Variants in OBP2B observed in about 807,000 individuals in gnomAD.
The protein encoded by OBP2B is odorant binding protein 2B.
In OBP2B, 10 loss-of-function variants were observed where a neutral mutation model predicts 21.7. That is an observed-to-expected ratio of 0.46 (90% CI 0.28 to 0.78). The LOEUF (loss-of-function observed/expected upper bound fraction) is 0.78. OBP2B is among the 30% of genes least tolerant of loss of function. The probability of loss-of-function intolerance (pLI) is 0.11; values close to 1 mark genes in which losing one functional copy is unlikely to be tolerated. For missense variants in OBP2B, 153 were observed against 217.7 expected, an observed-to-expected ratio of 0.70 and a Z score of 1.87; for synonymous variants, 73 against 91.5, an observed-to-expected ratio of 0.80 and a Z score of 1.16.
chr9:133,223,127 T>G, the OBP2B span, among the ~76,000 whole-genome samples: 6 of 152,182 alleles, frequency 3.9e-5, no homozygotes, highest in Non-Finnish European at 8.8e-5. This position sits in a 1 kb window ranked among gnomAD's most constrained non-coding sequence, Gnocchi z 4.4. Context: ...AGCTCTCAGA[T>G]GGCTTCCAGG....
Position 133,206,390 on chromosome 9 carries a change from C to T in OBP2B, c.415G>A (p.Ala139Thr). 1 of 1,614,028 alleles carries T rather than the reference C, an allele frequency of 6.2e-7. No homozygotes were observed. Among genetic ancestry groups the T allele is most frequent in the East Asian group, 2.2e-5 (1 of 44,854 alleles). ...VGRNSDTNRE[A>T]LEEFKKLVQR... ...ACCAATTTCTTAAATTCTTCCAGGG[C>T]CTCCCGGTTGGTATCAGAATTCCTA... Residue 139 changes from alanine (A) to threonine (T), a missense_variant, in exon 5 of 7, where the codon GCC (alanine) becomes ACC (threonine). Ala to Thr is a moderately conservative substitution (Grantham distance 58). Transcript: ENST00000372034.
At chr9:133,205,576 G>C (rs1235491461) in intron 6 of OBP2B, 165 bp from the exon 7 acceptor site, 3 of 615,238 alleles carry the variant, frequency 4.9e-6, no homozygotes, top group Middle Eastern at 8.8e-4. Flanking sequence ...AGGCCTCTGA[G>C]CATCCTTGGT....
intron 3 of OBP2B, among the ~76,000 whole-genome samples, chr9:133,207,604 C>G (rs550642690): frequency 7.9e-5 from 12 of 152,146 alleles, no homozygotes; most frequent in Non-Finnish European, 1.3e-4. Flanking sequence ...CCCCACTTCC[C>G]TGTCCCTAAC....
chr9:133,211,120 C>T (rs1391032051), upstream of OBP2B, among the ~76,000 whole-genome samples: 6 of 152,186 alleles, frequency 3.9e-5, no homozygotes, highest in Admixed American at 3.9e-4. Context: ...CTTTACTCGA[C>T]ACCTGGGCAT....
the OBP2B span, among the ~76,000 whole-genome samples, chr9:133,221,993 TGAG>T: frequency 1.3e-5 from 2 of 152,038 alleles, no homozygotes; most frequent in African/African-American, 2.4e-5. Context: ...CTCCTTTGCG[TGAG>T]GAGATGAGAC....
At chr9:133,219,184 T>C in the OBP2B span, among the ~76,000 whole-genome samples, 1 of 152,224 alleles carries the variant, frequency 6.6e-6, no homozygotes, top group Non-Finnish European at 1.5e-5. Context: ...TAAGAAGATG[T>C]GTAAATCTCT....
At chr9:133,210,587 G>A (rs1195427338), upstream of OBP2B, among the ~76,000 whole-genome samples, 4 of 151,902 alleles carry the variant, frequency 2.6e-5, no homozygotes, top group Non-Finnish European at 5.9e-5. Context: ...CAGGCACCTC[G>A]TATTTCATTG....
At chr9:133,222,102 C>G in the OBP2B span, among the ~76,000 whole-genome samples, 1 of 151,816 alleles carries the variant, frequency 6.6e-6, no homozygotes, top group African/African-American at 2.4e-5. Flanking sequence ...TGGACCCAAG[C>G]TGAGTGTGTC....
At chr9:133,210,725 C>T (rs1833900259), upstream of OBP2B, among the ~76,000 whole-genome samples, 1 of 152,230 alleles carries the variant, frequency 6.6e-6, no homozygotes, top group Admixed American at 6.5e-5. Context: ...GGTCCACGCT[C>T]AGTGCGACGG....
intron 5 of OBP2B, 46 bp from the exon 6 acceptor site, chr9:133,205,986 C>A: frequency 6.2e-7 from 1 of 1,613,766 alleles, no homozygotes. Flanking sequence ...CGCCCTAGAC[C>A]AGGGCCCAGA....
chr9:133,208,697 G>T (rs1162227970), intron 1 of OBP2B, 95 bp from the exon 2 acceptor site: 9 of 1,525,768 alleles, frequency 5.9e-6, no homozygotes, highest in African/African-American at 1.4e-5. Flanking sequence ...GACACCCATG[G>T]TGCCCGGCTG....
chr9:133,218,287 G>A, the OBP2B span, among the ~76,000 whole-genome samples: 25 of 152,246 alleles, frequency 1.6e-4, no homozygotes, highest in African/African-American at 3.1e-4. Context: ...CAGGGAGACC[G>A]GCCACACATG....
At chr9:133,206,223 G>GGGACATGGGA (rs1175919582) in intron 5 of OBP2B, 92 bp downstream of exon 5, 2 of 1,395,666 alleles carry the variant, frequency 1.4e-6, no homozygotes, top group Non-Finnish European at 2.0e-6. Flanking sequence ...GGGAATGCGG[G>GGGACATGGGA]GGACATGGGA....
At chr9:133,222,368 G>T in the OBP2B span, among the ~76,000 whole-genome samples, 1 of 152,214 alleles carries the variant, frequency 6.6e-6, no homozygotes, top group African/African-American at 2.4e-5. Flanking sequence ...TTGCTAAAAA[G>T]GGCTTACACC....
intron 2 of OBP2B, 106 bp from the exon 3 acceptor site, chr9:133,208,309 C>T: frequency 1.3e-6 from 2 of 1,597,592 alleles, no homozygotes; most frequent in South Asian, 1.1e-5. Context: ...ATTCCACTGC[C>T]CCCCACCCCA....
At chr9:133,217,323 G>A in the OBP2B span, among the ~76,000 whole-genome samples, 1 of 152,156 alleles carries the variant, frequency 6.6e-6, no homozygotes, top group Non-Finnish European at 1.5e-5. Context: ...CTTGCCTCCA[G>A]CTCCACACGT....
chr9:133,220,708 T>C, the OBP2B span, among the ~76,000 whole-genome samples: 327 of 152,298 alleles, frequency 2.1e-3, 1 homozygote, highest in African/African-American at 7.5e-3. Context: ...TCCCTGGCCC[T>C]GTGGATGTGT....
the OBP2B span, among the ~76,000 whole-genome samples, chr9:133,216,620 C>T: frequency 6.6e-6 from 1 of 152,152 alleles, no homozygotes; most frequent in Admixed American, 6.5e-5. Flanking sequence ...CACAGACATC[C>T]TCCAACAGGT....
At chr9:133,211,941 T>A (rs1833920928), upstream of OBP2B, among the ~76,000 whole-genome samples, 1 of 152,244 alleles carries the variant, frequency 6.6e-6, no homozygotes, top group Non-Finnish European at 1.5e-5. Flanking sequence ...TATACAACTA[T>A]ATGCCGTCTA....
Sources: gnomAD v4.1 joint callset for allele counts (sites outside exome capture counted in the v4.1 genomes callset) on GRCh38, gnomAD v4.1.1 for gene constraint, Gnocchi (gnomAD v3.1) non-coding constraint, MANE v1.5 for transcripts, NCBI Gene and HGNC (gene_info 2026-07-23, HGNC 2026-07-21) for gene names.